Variants in RXRG observed in about 807,000 individuals in gnomAD.
RXRG encodes retinoid X receptor gamma.
A neutral mutation model predicts 49.2 loss-of-function variants in RXRG; 19 were observed. The observed-to-expected ratio is 0.39, with a 90% CI of 0.27 to 0.57. RXRG has a LOEUF of 0.57. Ranked by LOEUF, RXRG falls within the 20% of genes least tolerant of loss-of-function variation. The probability of loss-of-function intolerance (pLI) is 0.64; values close to 1 mark genes in which losing one functional copy is unlikely to be tolerated. For synonymous variants in RXRG, 224 were observed against 216.6 expected (o/e 1.03, Z -0.30); for missense variants, 452 against 592.5 (o/e 0.76, Z 2.46).
chr1:165,430,791 C>T (rs542358143), intron 1 of RXRG, among the ~76,000 whole-genome samples: 5 of 152,310 alleles, frequency 3.3e-5, no homozygotes, highest in African/African-American at 1.2e-4. Context: ...CTATGAAAAT[C>T]ATTTCAGCCT....
intron 9 of RXRG, among the ~76,000 whole-genome samples, chr1:165,403,166 C>T (rs1171216681): frequency 2.0e-5 from 3 of 152,222 alleles, no homozygotes; most frequent in South Asian, 2.1e-4. Context: ...CATGTCCTTT[C>T]GGGTACTTCT....
chr1:165,434,541 C>G (rs374410075), intron 1 of RXRG, among the ~76,000 whole-genome samples: 5 of 152,218 alleles, frequency 3.3e-5, no homozygotes, highest in Admixed American at 2.0e-4. Context: ...CATTAGCAAC[C>G]CTCTTCAGGT....
chr1:165,438,094 T>C (rs1167079259), intron 1 of RXRG, among the ~76,000 whole-genome samples: 2 of 152,166 alleles, frequency 1.3e-5, no homozygotes, highest in Non-Finnish European at 2.9e-5. Context: ...TTGAATGAAA[T>C]AGACGGTGGC....
intron 8 of RXRG, among the ~76,000 whole-genome samples, chr1:165,407,218 G>T (rs899801055): frequency 2.6e-5 from 4 of 152,140 alleles, no homozygotes; most frequent in African/African-American, 9.7e-5. Flanking sequence ...CACATTTACC[G>T]AGTGCCTATT....
intron 2 of RXRG, among the ~76,000 whole-genome samples, chr1:165,427,857 G>A (rs1557921893): frequency 6.6e-6 from 1 of 152,198 alleles, no homozygotes; most frequent in African/African-American, 2.4e-5. Context: ...GATACACCAT[G>A]AGAAAAGCAT....
rs57782668 is a variant in RXRG, at chr1:165,418,110, C to CA, written c.443-891dup. Among the ~76,000 whole-genome samples the CA allele has an allele frequency of 6.0e-3, 442 of 73,834 alleles. 22 individuals are homozygous for CA. The highest frequency in any genetic ancestry group is 0.018 in the African/African-American group (330 of 18,448). 48.4% of individuals were successfully genotyped at this position (73,834 alleles called of 152,430 possible). ...TGAGTGACAGAGCGAGATCCCGTCT[C>CA]AAAAAAAAAAAAAAAAAAAAAAAAA... On this transcript the variant is annotated intron_variant, in intron 3 of 9. Transcript: ENST00000359842.
chr1:165,427,399 C>A (rs1658519182), intron 2 of RXRG, among the ~76,000 whole-genome samples: 1 of 145,220 alleles, frequency 6.9e-6, no homozygotes, highest in African/African-American at 2.6e-5. Flanking sequence ...TGGAATCTGT[C>A]ATATGTTTTG....
intron 7 of RXRG, among the ~76,000 whole-genome samples, chr1:165,408,554 T>A (rs1320434712): frequency 6.6e-6 from 1 of 152,140 alleles, no homozygotes; most frequent in Non-Finnish European, 1.5e-5. Context: ...ATAACTGCCA[T>A]GAGCAAAGTC....
At chr1:165,419,166 G>T (rs1170904950) in intron 3 of RXRG, among the ~76,000 whole-genome samples, 1 of 152,048 alleles carries the variant, frequency 6.6e-6, no homozygotes, top group African/African-American at 2.4e-5. Context: ...AAAAGGAGAA[G>T]AGAATCAAAG....
At chr1:165,415,391 C>T (rs568675453) in intron 4 of RXRG, among the ~76,000 whole-genome samples, 1 of 152,252 alleles carries the variant, frequency 6.6e-6, no homozygotes, top group East Asian at 1.9e-4. Context: ...GAAGGAAAGA[C>T]ATTGGAGGAT....
At chr1:165,433,652 G>A (rs559507390) in intron 1 of RXRG, among the ~76,000 whole-genome samples, 1 of 152,310 alleles carries the variant, frequency 6.6e-6, no homozygotes, top group Non-Finnish European at 1.5e-5. Flanking sequence ...TAAGGAGCTG[G>A]CACTCAGTGA....
chr1:165,426,287 A>G (rs1658484126), intron 2 of RXRG, among the ~76,000 whole-genome samples: 1 of 152,242 alleles, frequency 6.6e-6, no homozygotes. Flanking sequence ...TATACCCAGT[A>G]AAGTAGTTTA....
chr1:165,433,667 A>T (rs1658742173), intron 1 of RXRG, among the ~76,000 whole-genome samples: 1 of 152,216 alleles, frequency 6.6e-6, no homozygotes, highest in Non-Finnish European at 1.5e-5. Flanking sequence ...CAGTGACCTG[A>T]AAGATCCCTT....
At chr1:165,434,292 G>GTGTGTGTC (rs1557925443) in intron 1 of RXRG, among the ~76,000 whole-genome samples, 1 of 151,848 alleles carries the variant, frequency 6.6e-6, no homozygotes, top group East Asian at 1.9e-4. Context: ...GTGTGTGTGT[G>GTGTGTGTC]TGTGTGTGTG....
intron 1 of RXRG, among the ~76,000 whole-genome samples, chr1:165,432,792 T>C (rs780935090): frequency 2.0e-5 from 3 of 152,220 alleles, no homozygotes; most frequent in Non-Finnish European, 4.4e-5. Context: ...GTGGTGTTTC[T>C]TGCAAATTTA....
In RXRG at chr1:165,401,116, T is replaced by A; in HGVS notation, c.*147A>T. 1 of 672,028 alleles carries A rather than the reference T, an allele frequency of 1.5e-6. No homozygotes were observed. The highest frequency in any genetic ancestry group is 2.5e-6 in the Non-Finnish European group (1 of 403,406). The allele number at this position is 672,028 out of a possible 1,614,324, so 41.6% of individuals were successfully genotyped here. Reference sequence around the variant, plus strand: ...CAAAAGTCCACCTATAAAAGTCTCATGTGTAGAAAGGTTTTCTTTATTATA... The same window carrying A: ...CAAAAGTCCACCTATAAAAGTCTCAAGTGTAGAAAGGTTTTCTTTATTATA... On this transcript the variant is annotated 3_prime_UTR_variant, in exon 10 of 10. Transcript: ENST00000359842.
intron 2 of RXRG, among the ~76,000 whole-genome samples, chr1:165,424,238 G>A (rs1658412101): frequency 6.6e-6 from 1 of 152,186 alleles, no homozygotes; most frequent in African/African-American, 2.4e-5. Context: ...CCCAGGGCAG[G>A]GATTAAATCT....
chr1:165,417,351 A>C (rs1227208799), intron 3 of RXRG, 131 bp from the exon 4 acceptor site: 2 of 752,828 alleles, frequency 2.7e-6, no homozygotes, highest in Non-Finnish European at 4.3e-6. Flanking sequence ...AAAGCAAATA[A>C]TCACTAGCAG....
intron 2 of RXRG, among the ~76,000 whole-genome samples, chr1:165,420,671 C>G (rs1469632074): frequency 6.6e-6 from 1 of 152,162 alleles, no homozygotes; most frequent in East Asian, 1.9e-4. Context: ...TATCAGCTCC[C>G]CATCACCATC....
Sources: gnomAD v4.1 joint callset for allele counts (sites outside exome capture counted in the v4.1 genomes callset) on GRCh38, gnomAD v4.1.1 for gene constraint, MANE v1.5 for transcripts, NCBI Gene and HGNC (gene_info 2026-07-23, HGNC 2026-07-21) for gene names.